The following DTNA variants were observed in gnomAD, a reference collection of about 807,000 sequenced individuals.
DTNA encodes the protein dystrobrevin alpha.
In DTNA, 43 loss-of-function variants were observed where a neutral mutation model predicts 100.7. The observed-to-expected ratio is 0.43, with a 90% CI of 0.33 to 0.55. The LOEUF (loss-of-function observed/expected upper bound fraction) is 0.55. Ranked by LOEUF, DTNA falls within the 20% of genes least tolerant of loss-of-function variation. The pLI, the probability that DTNA is intolerant of heterozygous loss-of-function variation, is 0.04. For missense variants in DTNA, 798 were observed against 953.9 expected (o/e 0.84, Z 2.15); for synonymous variants, 349 against 347.9 (o/e 1.00, Z -0.04).
chr18:34,649,401 G>C (rs1421173727), intron 1 of DTNA, among the ~76,000 whole-genome samples: 1 of 152,152 alleles, frequency 6.6e-6, no homozygotes, highest in Non-Finnish European at 1.5e-5. Context: ...TTATACCCAC[G>C]ATCAGTGAAA....
intron 6 of DTNA, chr18:34,815,519 A>AGACT (rs1409265046): frequency 1.0e-4 from 24 of 230,046 alleles, no homozygotes; most frequent in African/African-American, 5.6e-4. Flanking sequence ...TAAATTTAGA[A>AGACT]GACTGACTGA....
chr18:34,877,564 T>G (rs926085629), intron 18 of DTNA, among the ~76,000 whole-genome samples, 155 bp from the exon 19 acceptor site: 2 of 152,248 alleles, frequency 1.3e-5, no homozygotes, highest in Non-Finnish European at 1.5e-5. Context: ...TTGTTGTTGT[T>G]CTTGTTTCAG....
At chr18:34,770,795 T>TTC (rs1213343008) in intron 3 of DTNA, among the ~76,000 whole-genome samples, 2 of 151,462 alleles carry the variant, frequency 1.3e-5, no homozygotes, top group Non-Finnish European at 2.9e-5. Context: ...TTTTTTTTTT[T>TTC]TTTTTGAGTG....
At chr18:34,876,978 T>G (rs904556357) in intron 18 of DTNA, among the ~76,000 whole-genome samples, 18 of 152,232 alleles carry the variant, frequency 1.2e-4, no homozygotes, top group African/African-American at 4.1e-4. Flanking sequence ...TAGTTAGTAT[T>G]ACTTTCTGAA....
At chr18:34,554,587 G>A (rs975804125) in intron 1 of DTNA, among the ~76,000 whole-genome samples, 3 of 151,598 alleles carry the variant, frequency 2.0e-5, no homozygotes, top group East Asian at 1.9e-4. Flanking sequence ...AGCATGAAGG[G>A]TTGTTGAATT....
In DTNA at chr18:34,820,832, C is replaced by T. The variant is rs1453681166; in HGVS notation, c.918C>T (p.Ser306=). 2 of 1,614,068 alleles carry T rather than the reference C, an allele frequency of 1.2e-6. No individual in the cohort carries two copies. Among genetic ancestry groups the T allele is most frequent in the Non-Finnish European group, 8.5e-7 (1 of 1,180,000 alleles). The change falls in exon 9 of 23, where the codon TCC becomes TCT. Residue 306 remains serine (S), a synonymous_variant. Transcript: ENST00000444659. The part of the protein sequence containing the change: ...AKKLTNALSK[S]LSCASSREPL... ...AGCTGACTAATGCATTAAGCAAGTC[C>T]CTGAGCTGTGCTTCCAGCCGTGAAC...
intron 1 of DTNA, among the ~76,000 whole-genome samples, chr18:34,494,314 G>C (rs1383433568): frequency 3.3e-5 from 5 of 150,862 alleles, no homozygotes; most frequent in Non-Finnish European, 5.9e-5. Context: ...GCAGTGCACT[G>C]CGGTGCCCGG....
chr18:34,665,180 C>A (rs1252260067), intron 1 of DTNA, among the ~76,000 whole-genome samples: 2 of 151,898 alleles, frequency 1.3e-5, no homozygotes, highest in South Asian at 2.1e-4. Flanking sequence ...TTATGATTTC[C>A]AGTAAAAGTA....
chr18:34,589,707 A>T (rs1031651427), intron 1 of DTNA, among the ~76,000 whole-genome samples: 16 of 152,190 alleles, frequency 1.1e-4, no homozygotes, highest in African/African-American at 3.6e-4. Flanking sequence ...TTTGTTCTAT[A>T]TGCTAAATCT....
chr18:34,628,582 T>G (rs1484796394), intron 1 of DTNA, among the ~76,000 whole-genome samples: 1 of 152,204 alleles, frequency 6.6e-6, no homozygotes, highest in Non-Finnish European at 1.5e-5. Context: ...TTTCAAAGAA[T>G]TGCTTATCAG....
intron 11 of DTNA, among the ~76,000 whole-genome samples, chr18:34,830,056 T>G (rs2149583786): frequency 6.6e-6 from 1 of 152,274 alleles, no homozygotes; most frequent in Admixed American, 6.5e-5. Flanking sequence ...ATGCTGGTGG[T>G]GAATCACTTT....
intron 3 of DTNA, among the ~76,000 whole-genome samples, chr18:34,779,987 T>A (rs1294853462): frequency 2.0e-5 from 3 of 152,184 alleles, no homozygotes; most frequent in Admixed American, 2.0e-4. Flanking sequence ...CAAATAGTAA[T>A]TCCCCTCTCA....
At chr18:34,806,891 T>G (rs1287634379) in intron 5 of DTNA, among the ~76,000 whole-genome samples, 1 of 151,996 alleles carries the variant, frequency 6.6e-6, no homozygotes, top group Non-Finnish European at 1.5e-5. Flanking sequence ...TATGGTAGAG[T>G]TCCTTAACCA....
In DTNA at chr18:34,820,698, G is replaced by A. The variant is rs371563631; in HGVS notation, c.877-93G>A. The A allele has an allele frequency of 5.6e-5, 88 of 1,582,568 alleles. 1 individual carries two copies. In the South Asian group the frequency reaches 6.5e-4, roughly 12 times the overall value. On this transcript the variant is annotated intron_variant, in intron 8 of 22. Coordinates refer to ENST00000444659, the MANE Select transcript of DTNA (RefSeq NM_001386795.1). ...TCAGCACTGAAAAAGGATTTCTTCC[G>A]TAAATGAATATCTATTATGAAAAGC...
At chr18:34,506,770 C>T (rs900491397) in intron 1 of DTNA, among the ~76,000 whole-genome samples, 2 of 152,066 alleles carry the variant, frequency 1.3e-5, no homozygotes, top group African/African-American at 4.8e-5. Flanking sequence ...TCTGAGGTCC[C>T]CTAGCTGATT....
Position 34,890,211 on chromosome 18 carries a change from A to G in DTNA, c.*2477A>G, listed in dbSNP as rs1013346319. 3.4e-6 allele frequency: 5 copies of G among 1,462,510 alleles called. No homozygotes were observed. In the African/African-American group the frequency reaches 7.1e-5, roughly 21 times the overall value. The allele number at this position is 1,462,510 out of a possible 1,614,324, so 90.6% of individuals were successfully genotyped here. On this transcript the variant is annotated 3_prime_UTR_variant, in exon 23 of 23. Coordinates refer to ENST00000444659, the MANE Select transcript of DTNA (RefSeq NM_001386795.1). ...AACCAACTCCATCACATGGTTGTTG[A>G]TATCGTCATATAAAGCCATTGCAAG...
rs529732367 is a variant in DTNA at position 34,762,877 on chromosome 18, G to A, written c.68-3084G>A. 9.8e-4 allele frequency among the ~76,000 whole-genome samples: 149 copies of A among 152,134 alleles called. 1 individual carries two copies. The highest frequency in any genetic ancestry group is 1.2e-3 in the Non-Finnish European group (83 of 68,030). On this transcript the variant is annotated intron_variant, in intron 2 of 22. Coordinates refer to ENST00000444659, the MANE Select transcript of DTNA (RefSeq NM_001386795.1). ...GTCAGTTAAGTCCACACAGTGATAC[G>A]ACAGGAGAGAGCAGTCAGTGCACTT...
At chr18:34,697,259 C>A (rs2146036779) in intron 1 of DTNA, among the ~76,000 whole-genome samples, 1 of 152,310 alleles carries the variant, frequency 6.6e-6, no homozygotes, top group East Asian at 1.9e-4. Context: ...AGAAGGTTAA[C>A]TTGCTCAAGG....
At chr18:34,676,085 A>G (rs959874225) in intron 1 of DTNA, among the ~76,000 whole-genome samples, 2 of 152,256 alleles carry the variant, frequency 1.3e-5, no homozygotes, top group African/African-American at 4.8e-5. Flanking sequence ...TAGGTCCCAC[A>G]GAATCTGGGC....
Sources: gnomAD v4.1 joint callset for allele counts (sites outside exome capture counted in the v4.1 genomes callset) on GRCh38, gnomAD v4.1.1 for gene constraint, MANE v1.5 for transcripts, NCBI Gene and HGNC (gene_info 2026-07-23, HGNC 2026-07-21) for gene names.